ARMC5: variants seen among roughly 807,000 people sequenced by gnomAD.
The protein encoded by ARMC5 is armadillo repeat-containing protein 5.
In ARMC5, 28 loss-of-function variants were observed where a neutral mutation model predicts 60.5. The ratio of observed to expected loss-of-function variants is 0.46; its 90% confidence interval spans 0.34 to 0.63. The LOEUF (loss-of-function observed/expected upper bound fraction) is 0.63, where lower values mean the gene tolerates loss of function less well. Ranked by LOEUF, ARMC5 falls within the 30% of genes least tolerant of loss-of-function variation. The pLI is 0.01. For synonymous variants in ARMC5, 680 were observed against 607.3 expected, an observed-to-expected ratio of 1.12 and a Z score of -1.76; for missense variants, 1,189 against 1,304.9, an observed-to-expected ratio of 0.91 and a Z score of 1.37.
chr16:31,462,162 A>C lies in ARMC5; in HGVS notation c.615A>C (p.Thr205=). The change falls in exon 3 of 6, where the codon ACA becomes ACC. Residue 205 remains threonine (T), a synonymous_variant. Transcript: ENST00000268314. This position sits in a 1 kb window ranked among gnomAD's most constrained non-coding sequence, Gnocchi z 7.2. ...TTCCCCTGCTTGTGGAGAGCCTGAC[A>C]GCCTGCCAGGACTCGCAGTGCCTAC... ...GAVPLLVESL[T]ACQDSQCLQS... is the part of the protein sequence containing the mutation. The C allele has an allele frequency of 2.5e-6, 4 of 1,612,816 alleles. No homozygotes were observed. Among genetic ancestry groups the C allele is most frequent in the Non-Finnish European group, 3.4e-6 (4 of 1,179,716 alleles).
Position 31,465,957 on chromosome 16 carries a change from G to A in ARMC5, c.1972G>A (p.Ala658Thr), listed in dbSNP as rs1048994571. 2.5e-6 allele frequency: 4 copies of A among 1,605,182 alleles called. No homozygotes were observed. Among genetic ancestry groups the A allele is most frequent in the Non-Finnish European group, 3.4e-6 (4 of 1,179,520 alleles). The part of the protein sequence containing the change: ...SGSPEDRVAC[A>T]LTLPFICRKP... ...GAGCCCTGAGGACCGAGTGGCCTGCGCGCTGACCCTGCCCTTCATCTGCCG... is the reference window on the plus strand; with the variant it reads ...GAGCCCTGAGGACCGAGTGGCCTGCACGCTGACCCTGCCCTTCATCTGCCG... The change falls in exon 5 of 6, where the codon GCG (alanine) becomes ACG (threonine). Residue 658 changes from alanine (A) to threonine (T), a missense_variant. Transcript: ENST00000268314.
In ARMC5 at chr16:31,465,672, C is replaced by T. The variant is rs974296933; in HGVS notation, c.1865-178C>T. 23 of 1,434,770 alleles carry T rather than the reference C, an allele frequency of 1.6e-5. No homozygotes were observed. In the African/African-American group the frequency reaches 2.9e-4, roughly 18 times the overall value. The allele number at this position is 1,434,770 out of a possible 1,614,324, so 88.9% of individuals were successfully genotyped here. On this transcript the variant is annotated intron_variant, in intron 4 of 5. Coordinates refer to ENST00000268314, the MANE Select transcript of ARMC5 (RefSeq NM_001105247.2). ...ACTTACACCCTGACTGTCCCACCTT[C>T]TGTCCTTGTCCTGGACCTCAGGTTC...
upstream of ARMC5, chr16:31,458,411 G>T: frequency 1.3e-6 from 2 of 1,535,736 alleles, no homozygotes; most frequent in Non-Finnish European, 1.7e-6. Flanking sequence ...TCACACTCGG[G>T]GCAGGAGTAC....
chr16:31,461,333 C>G (rs999651534), intron 1 of ARMC5, among the ~76,000 whole-genome samples: 2 of 152,160 alleles, frequency 1.3e-5, no homozygotes, highest in African/African-American at 4.8e-5. Context: ...CCTTCACATT[C>G]AAGTCCTGAC....
chr16:31,461,126 G>A (rs2082300213), intron 1 of ARMC5, among the ~76,000 whole-genome samples: 1 of 152,126 alleles, frequency 6.6e-6, no homozygotes, highest in African/African-American at 2.4e-5. Context: ...TCCATTGTGT[G>A]CCCAGAGACT....
chr16:31,458,751 C>T (rs1253135460), upstream of ARMC5: 4 of 1,479,206 alleles, frequency 2.7e-6, no homozygotes, highest in Non-Finnish European at 2.7e-6. Context: ...CTCCCCGGGA[C>T]GCGAATGTCC....
At chr16:31,458,332 C>T, upstream of ARMC5, 1 of 1,416,272 alleles carries the variant, frequency 7.1e-7, no homozygotes, top group Non-Finnish European at 9.6e-7. Context: ...CGCGCTGGTG[C>T]TGGATCAGGT....
upstream of ARMC5, chr16:31,459,294 T>C (rs1418308984): frequency 3.3e-6 from 5 of 1,534,444 alleles, no homozygotes; most frequent in African/African-American, 2.7e-5. Flanking sequence ...GCGGACCACA[T>C]CTCCCTCATG....
rs2082315907 is a variant in ARMC5, at chr16:31,462,753, G to C, written c.1206G>C (p.Gly402=). 5.0e-6 allele frequency: 8 copies of C among 1,613,892 alleles called. No homozygotes were observed. In the African/African-American group the frequency reaches 6.7e-5, roughly 13 times the overall value. Residue 402 remains glycine (G), a synonymous_variant, in exon 3 of 6, where the codon GGG becomes GGC. Transcript: ENST00000268314. The surrounding 1 kb of genome is among the most constrained non-coding windows in gnomAD (Gnocchi z 7.2). Reference sequence around the variant, plus strand: ...TTGTGGGGTTTCTGTATGACACTGGGGCCCTGGGCCGGCTGCAGGCTCTGG... The same window carrying C: ...TTGTGGGGTTTCTGTATGACACTGGCGCCCTGGGCCGGCTGCAGGCTCTGG... ...AALVGFLYDT[G]ALGRLQALGL...
In ARMC5 at chr16:31,464,673, C is replaced by G. The variant is rs374915051; in HGVS notation, c.1650C>G (p.Gly550=). ...TTGTGACCGGCCCGGCGCTGTACGG[C>G]CTGCTGACCTATGTGACCGGCGCAC... ...GALVTGPALY[G]LLTYVTGAPG... Residue 550 remains glycine, a synonymous_variant, in exon 4 of 6, where the codon GGC becomes GGG. Coordinates refer to ENST00000268314, the MANE Select transcript of ARMC5 (RefSeq NM_001105247.2). This position sits in a 1 kb window ranked among gnomAD's most constrained non-coding sequence, Gnocchi z 7.6. The G allele has an allele frequency of 6.3e-7, 1 of 1,598,742 alleles. No homozygotes were observed. The highest frequency in any genetic ancestry group is 1.1e-5 in the South Asian group (1 of 90,944).
chr16:31,464,754 TGCCTGCCTCGAGGCCTTCGTGC>T lies in ARMC5; in HGVS notation c.1734_1755del (p.Cys579AlafsTer44). ...TTCTGTCACGCCTCACCTGCAACCC[TGCCTGCCTCGAGGCCTTCGTGC>T]GCAGCTATGGCGCGGCGCTGCTGCG... On this transcript the variant is annotated frameshift_variant, in exon 4 of 6. Coordinates refer to ENST00000268314, the MANE Select transcript of ARMC5 (RefSeq NM_001105247.2). LOFTEE classifies it high-confidence loss of function. This position sits in a 1 kb window ranked among gnomAD's most constrained non-coding sequence, Gnocchi z 7.6. The T allele has an allele frequency of 1.3e-6, 2 of 1,599,126 alleles. No individual in the cohort carries two copies. Among genetic ancestry groups the T allele is most frequent in the Non-Finnish European group, 8.5e-7 (1 of 1,179,258 alleles).
intron 1 of ARMC5, among the ~76,000 whole-genome samples, chr16:31,460,894 G>T (rs2082298615): frequency 6.6e-6 from 1 of 152,186 alleles, no homozygotes. Flanking sequence ...TGTGAAAGCA[G>T]TTTACATGTC....
At position 31,462,462 on chromosome 16, in the gene ARMC5, C is replaced by G. The variant is rs781294890; in HGVS notation, c.915C>G (p.Leu305=). 6.2e-7 allele frequency: 1 copy of G among 1,612,556 alleles called. No homozygotes were observed. The highest frequency in any genetic ancestry group is 1.7e-4 in the Middle Eastern group (1 of 6,058). ...RAVREGTILI[L]ANLCAQGLIR... is the part of the protein sequence containing the mutation. The stretch of plus-strand genomic sequence containing the variant: ...TACGCGAGGGAACCATTCTGATCCT[C>G]GCCAACCTGTGTGCCCAGGGCCTGA... The change falls in exon 3 of 6, where the codon CTC becomes CTG. Residue 305 remains leucine, a synonymous_variant. Coordinates refer to ENST00000268314, the MANE Select transcript of ARMC5 (RefSeq NM_001105247.2). This position sits in a 1 kb window ranked among gnomAD's most constrained non-coding sequence, Gnocchi z 7.2.
chr16:31,458,545 C>A (rs544748885), upstream of ARMC5: 1 of 1,524,406 alleles, frequency 6.6e-7, no homozygotes, highest in East Asian at 2.4e-5. Context: ...GTGAATGAAG[C>A]CGGGGAGGCA....
In ARMC5 at chr16:31,466,374, G is replaced by GCGGCCTCAGCCAC. The variant is rs779975406; in HGVS notation, c.2296_2308dup (p.Ala770GlyfsTer106). ...AGGCCTCCAGCTCCCTGCCCAGCGA[G>GCGGCCTCAGCCAC]CGGCCTCAGCCACCGCCTCCCCTTT... On this transcript the variant is annotated frameshift_variant, in exon 6 of 6. Coordinates refer to ENST00000268314, the MANE Select transcript of ARMC5 (RefSeq NM_001105247.2). LOFTEE classifies it high-confidence loss of function. The surrounding 1 kb of genome is among the most constrained non-coding windows in gnomAD (Gnocchi z 8.0). 6.2e-7 allele frequency: 1 copy of GCGGCCTCAGCCAC among 1,612,790 alleles called. No homozygotes were observed. Among genetic ancestry groups the GCGGCCTCAGCCAC allele is most frequent in the Non-Finnish European group, 8.5e-7 (1 of 1,179,862 alleles).
chr16:31,461,787 C>T, intron 1 of ARMC5, 135 bp from the exon 2 acceptor site: 1 of 744,592 alleles, frequency 1.3e-6, no homozygotes, highest in Non-Finnish European at 2.3e-6. Context: ...GGATTACAGG[C>T]TTGAGCCACG....
Position 31,464,993 on chromosome 16 carries a change from C to T in ARMC5, c.1864+106C>T, listed in dbSNP as rs1361748342. ...CACCTTCCCACTCACCTGTCCTCCC[C>T]AGCCCGTCCTCCAGACAACCTGTCA... On this transcript the variant is annotated intron_variant, in intron 4 of 5. Coordinates refer to ENST00000268314, the MANE Select transcript of ARMC5 (RefSeq NM_001105247.2). The surrounding 1 kb of genome is among the most constrained non-coding windows in gnomAD (Gnocchi z 7.6). The T allele has an allele frequency of 3.7e-6, 6 of 1,611,102 alleles. No homozygotes were observed. The South Asian group carries it at 5.5e-5, about 15-fold the overall frequency.
chr16:31,460,741 T>C (rs2082297551), intron 1 of ARMC5, among the ~76,000 whole-genome samples: 1 of 152,144 alleles, frequency 6.6e-6, no homozygotes, highest in South Asian at 2.1e-4. Flanking sequence ...CCTCGTATCT[T>C]AGAAAACCAA....
In ARMC5 at chr16:31,462,214, C is replaced by T. The variant is rs529469232; in HGVS notation, c.667C>T (p.Leu223=). Residue 223 remains leucine, a synonymous_variant, in exon 3 of 6, where the codon CTG becomes TTG. Transcript: ENST00000268314. This position sits in a 1 kb window ranked among gnomAD's most constrained non-coding sequence, Gnocchi z 7.2. ...LQSVVRALRN[L]ADSPQHRLAL... is the part of the protein sequence containing the mutation. ...GAGCGTGGTGCGTGCCCTCCGTAACCTGGCAGACTCACCCCAGCACCGCCT... is the reference window on the plus strand; with the variant it reads ...GAGCGTGGTGCGTGCCCTCCGTAACTTGGCAGACTCACCCCAGCACCGCCT... 8.3e-5 allele frequency: 133 copies of T among 1,611,142 alleles called. 4 individuals are homozygous for T. The South Asian group carries it at 1.2e-3, about 14-fold the overall frequency.
Sources: gnomAD v4.1 joint callset for allele counts (sites outside exome capture counted in the v4.1 genomes callset) on GRCh38, gnomAD v4.1.1 for gene constraint, Gnocchi (gnomAD v3.1) non-coding constraint, MANE v1.5 for transcripts, NCBI Gene and HGNC (gene_info 2026-07-23, HGNC 2026-07-21) for gene names.